Variants in DPM1 observed in about 807,000 individuals in gnomAD.
DPM1 encodes dolichyl-phosphate mannosyltransferase subunit 1, catalytic, also known as dolichol-phosphate mannosyltransferase subunit 1.
A neutral mutation model predicts 39.0 loss-of-function variants in DPM1; 27 were observed. The observed-to-expected ratio is 0.69, with a 90% CI of 0.51 to 0.95. The LOEUF is 0.95. Among genes scored for constraint, DPM1 ranks in the 40% least tolerant of loss-of-function variants. DPM1 has a pLI of 0.00. For synonymous variants in DPM1, 124 were observed against 109.0 expected, an observed-to-expected ratio of 1.14 and a Z score of -0.86; for missense variants, 307 against 315.6, an observed-to-expected ratio of 0.97 and a Z score of 0.21.
At chr20:50,936,661 CTA>C (rs1423820443) in intron 7 of DPM1, among the ~76,000 whole-genome samples, 4 of 152,182 alleles carry the variant, frequency 2.6e-5, no homozygotes, top group African/African-American at 4.8e-5. Context: ...CATGAAGCAA[CTA>C]TATATGTTAG....
At chr20:50,954,172 C>CT (rs34921841) in intron 2 of DPM1, among the ~76,000 whole-genome samples, 2 of 151,712 alleles carry the variant, frequency 1.3e-5, no homozygotes, top group Non-Finnish European at 2.9e-5. Context: ...GACTGAGTGG[C>CT]TTTTTTTTAA....
Position 50,958,421 on chromosome 20 carries a change from T to C in DPM1, c.103A>G (p.Asn35Asp). 6.2e-7 allele frequency: 1 copy of C among 1,613,944 alleles called. No individual in the cohort carries two copies. The highest frequency in any genetic ancestry group is 8.5e-7 in the Non-Finnish European group (1 of 1,179,998). ...NKYSVLLPTY[N>D]ERENLPLIVW... is the part of the protein sequence containing the mutation. ...ATGAGCGGCAGGTTCTCGCGCTCGT[T>C]GTAGGTAGGTAAAAGCACCGAATAT... is the stretch of plus-strand genomic sequence containing the variant. Residue 35 changes from asparagine to aspartate, a missense_variant, in exon 1 of 9, where the codon AAC becomes GAC. Physicochemically the swap from Asn to Asp is conservative, Grantham distance 23. This residue lies in a region of DPM1 where 206 missense variants were observed against 188.2 expected (regional missense o/e 1.09). Coordinates refer to ENST00000371588, the MANE Select transcript of DPM1 (RefSeq NM_003859.3).
intron 7 of DPM1, among the ~76,000 whole-genome samples, chr20:50,936,501 A>G (rs1985170079): frequency 6.6e-6 from 1 of 152,252 alleles, no homozygotes; most frequent in Admixed American, 6.5e-5. Context: ...ATCTTTTTAT[A>G]GAATTATTTT....
chr20:50,940,086 T>TGTG (rs1985586995), intron 7 of DPM1, among the ~76,000 whole-genome samples: 1 of 146,538 alleles, frequency 6.8e-6, no homozygotes, highest in Non-Finnish European at 1.5e-5. Flanking sequence ...AGGTCCTAAT[T>TGTG]TGTGTGTGTG....
intron 7 of DPM1, among the ~76,000 whole-genome samples, chr20:50,938,963 A>G (rs1985463865): frequency 6.6e-6 from 1 of 152,002 alleles, no homozygotes; most frequent in Non-Finnish European, 1.5e-5. Flanking sequence ...CCTGGGCAAC[A>G]AGAGCGAAAC....
At chr20:50,943,729 G>T (rs1986066277) in intron 5 of DPM1, among the ~76,000 whole-genome samples, 1 of 143,262 alleles carries the variant, frequency 7.0e-6, no homozygotes, top group Non-Finnish European at 1.5e-5. Flanking sequence ...TTGCCCAAAT[G>T]AAGCCTGAGT....
chr20:50,941,398 A>G (rs1985808364), intron 6 of DPM1, among the ~76,000 whole-genome samples: 1 of 144,414 alleles, frequency 6.9e-6, no homozygotes, highest in East Asian at 2.0e-4. Flanking sequence ...ATATATATTC[A>G]TATTATATAT....
chr20:50,945,820 T>G (rs770157771), intron 4 of DPM1, 27 bp downstream of exon 4: 1 of 1,611,480 alleles, frequency 6.2e-7, no homozygotes, highest in Non-Finnish European at 8.5e-7. Flanking sequence ...CTACCATAAA[T>G]AGCTAATAAA....
rs1985720140 is a variant in DPM1 at position 50,941,234 on chromosome 20, A to ATATATATAT, written c.495-310_495-302dup. On this transcript the variant is annotated intron_variant, in intron 6 of 8. Coordinates refer to ENST00000371588, the MANE Select transcript of DPM1 (RefSeq NM_003859.3). Reference sequence around the variant, plus strand: ...ACTACAAAAAAAAAAGTGAATATATATATATATATATATATATATATATAT... The same window carrying ATATATATAT: ...ACTACAAAAAAAAAAGTGAATATATATATATATATTATATATATATATATATATATATAT... 2 of 150,620 alleles carry ATATATATAT rather than the reference A, an allele frequency of 1.3e-5. 1 individual carries two copies. The highest frequency in any genetic ancestry group is 6.9e-5 in the African/African-American group (2 of 28,868). 9.3% of individuals were successfully genotyped at this position (150,620 alleles called of 1,614,324 possible).
intron 5 of DPM1, among the ~76,000 whole-genome samples, chr20:50,943,369 G>A (rs1212946047): frequency 2.0e-5 from 3 of 150,458 alleles, no homozygotes; most frequent in African/African-American, 7.3e-5. Context: ...GTTTTGTTTT[G>A]TTTTTTTTTG....
intron 2 of DPM1, 94 bp from the exon 3 acceptor site, chr20:50,948,756 G>T: frequency 1.8e-6 from 2 of 1,123,514 alleles, no homozygotes; most frequent in Non-Finnish European, 2.7e-6. Context: ...CACTTTAATA[G>T]AAATATAGTT....
At chr20:50,940,993 C>G in intron 6 of DPM1, 60 bp from the exon 7 acceptor site, 1 of 1,452,326 alleles carries the variant, frequency 6.9e-7, no homozygotes, top group Non-Finnish European at 9.7e-7. Context: ...AAGAGAAACA[C>G]ATCGAAGAAC....
intron 5 of DPM1, among the ~76,000 whole-genome samples, chr20:50,943,549 C>T (rs984605020): frequency 3.3e-5 from 5 of 151,662 alleles, no homozygotes; most frequent in South Asian, 2.1e-4. Flanking sequence ...CTAGTAGGGA[C>T]GGGGTTTCAC....
chr20:50,950,128 G>A (rs1986501468), intron 2 of DPM1, among the ~76,000 whole-genome samples: 1 of 151,696 alleles, frequency 6.6e-6, no homozygotes, highest in Non-Finnish European at 1.5e-5. Context: ...TCTACTTTAG[G>A]CTTTTCCTTT....
chr20:50,949,022 G>A (rs1318749775), intron 2 of DPM1, among the ~76,000 whole-genome samples: 11 of 152,158 alleles, frequency 7.2e-5, no homozygotes, highest in African/African-American at 1.7e-4. Flanking sequence ...CACCATGCCC[G>A]GCTAATTTTC....
At position 50,940,931 on chromosome 20, in the gene DPM1, C is replaced by T. The variant is rs750470385; in HGVS notation, c.497G>A (p.Arg166His). The T allele has an allele frequency of 2.5e-6, 4 of 1,613,424 alleles. No individual in the cohort carries two copies. The highest frequency in any genetic ancestry group is 3.4e-6 in the Non-Finnish European group (4 of 1,179,816). Residue 166 changes from arginine (R) to histidine (H), a missense_variant and splice_region_variant, in exon 7 of 9, where the codon CGT becomes CAT. Arg to His is a conservative substitution (Grantham distance 29). Coordinates refer to ENST00000371588, the MANE Select transcript of DPM1 (RefSeq NM_003859.3). ...GWDLKRKIIS[R>H]GANFLTQILL... ...GATCTGAGTTAAAAAATTGGCCCCA[C>T]GGCTGCCAAATAAAACAATCAGATC... is the stretch of plus-strand genomic sequence containing the variant.
At chr20:50,948,813 A>G in intron 2 of DPM1, 151 bp from the exon 3 acceptor site, 2 of 738,386 alleles carry the variant, frequency 2.7e-6, no homozygotes, top group Non-Finnish European at 4.5e-6. Context: ...TTTTTTTGCC[A>G]AAAGAAAAAA....
intron 7 of DPM1, among the ~76,000 whole-genome samples, chr20:50,939,014 G>A (rs566697456): frequency 8.2e-4 from 124 of 152,120 alleles, no homozygotes; most frequent in African/African-American, 2.9e-3. Flanking sequence ...GCAATTAACA[G>A]GTTCACTTTT....
At chr20:50,945,653 T>G in intron 5 of DPM1, 84 bp downstream of exon 5, 2 of 1,246,288 alleles carry the variant, frequency 1.6e-6, no homozygotes, top group South Asian at 2.6e-5. Flanking sequence ...TATTTTTGAT[T>G]AATAAAAAAT....
Sources: allele counts gnomAD v4.1 joint callset (sites outside exome capture counted in the v4.1 genomes callset), GRCh38; gene constraint gnomAD v4.1.1; regional missense constraint gnomAD v4.1.1; transcripts MANE v1.5; gene names NCBI Gene and HGNC (gene_info 2026-07-23, HGNC 2026-07-21).